Variants in AGTPBP1 observed in about 807,000 individuals in gnomAD.
The protein encoded by AGTPBP1 is ATP/GTP binding carboxypeptidase 1.
In AGTPBP1, 70 loss-of-function variants were observed where a neutral mutation model predicts 143.9. That is an observed-to-expected ratio of 0.49 (90% CI 0.40 to 0.59). AGTPBP1 has a LOEUF of 0.59. Ranked by LOEUF, AGTPBP1 falls within the 20% of genes least tolerant of loss-of-function variation. The pLI is 0.00. For synonymous variants in AGTPBP1, 463 were observed against 500.2 expected, an observed-to-expected ratio of 0.93 and a Z score of 0.99; for missense variants, 1,229 against 1,464.5, an observed-to-expected ratio of 0.84 and a Z score of 2.62.
Position 85,661,265 on chromosome 9 carries a change from G to C in AGTPBP1, c.663-292C>G, listed in dbSNP as rs530740706. Among the ~76,000 whole-genome samples, 12 of 152,158 alleles carry C rather than the reference G, an allele frequency of 7.9e-5. No individual in the cohort carries two copies. In the East Asian group the frequency reaches 2.3e-3, roughly 29 times the overall value. ...GTATTTGTCAGAAGTTAGATGAACGGAATCATTCATCAGCCTCTGTATCTG... is the reference window on the plus strand; with the variant it reads ...GTATTTGTCAGAAGTTAGATGAACGCAATCATTCATCAGCCTCTGTATCTG... On this transcript the variant is annotated intron_variant, in intron 8 of 25. Transcript: ENST00000357081.
chr9:85,665,009 A>G (rs1587854910), intron 8 of AGTPBP1, among the ~76,000 whole-genome samples: 1 of 152,298 alleles, frequency 6.6e-6, no homozygotes, highest in East Asian at 1.9e-4. Flanking sequence ...CTAACACAGA[A>G]CACACTGAAA....
chr9:85,791,959 G>C, the AGTPBP1 span, among the ~76,000 whole-genome samples: 1 of 152,104 alleles, frequency 6.6e-6, no homozygotes, highest in East Asian at 1.9e-4. Flanking sequence ...AAGGAAAGCA[G>C]TTAGGACTTA....
intron 25 of AGTPBP1, among the ~76,000 whole-genome samples, chr9:85,555,665 C>G (rs1826294271): frequency 6.6e-6 from 1 of 152,156 alleles, no homozygotes; most frequent in Non-Finnish European, 1.5e-5. Context: ...GCAGTGGCAT[C>G]TTTAAAGTGC....
chr9:85,714,967 C>T (rs1837610001), intron 1 of AGTPBP1, among the ~76,000 whole-genome samples: 2 of 152,050 alleles, frequency 1.3e-5, no homozygotes, highest in Non-Finnish European at 1.5e-5. Context: ...AAATAAAGGG[C>T]CGGGCACAGT....
chr9:85,777,119 G>A, the AGTPBP1 span, among the ~76,000 whole-genome samples: 5 of 152,134 alleles, frequency 3.3e-5, no homozygotes, highest in East Asian at 9.6e-4. Context: ...CCATGAGCAT[G>A]AGCCCACTGC....
intron 13 of AGTPBP1, among the ~76,000 whole-genome samples, chr9:85,634,954 TA>T (rs201070002): frequency 6.6e-6 from 1 of 151,932 alleles, no homozygotes; most frequent in African/African-American, 2.4e-5. Flanking sequence ...TATGGTTTTT[TA>T]AAAAAAAATT....
chr9:85,655,158 T>C lies in AGTPBP1; in HGVS notation c.1072A>G (p.Ser358Gly). 6.2e-7 allele frequency: 1 copy of C among 1,613,134 alleles called. No individual in the cohort carries two copies. The highest frequency in any genetic ancestry group is 8.5e-7 in the Non-Finnish European group (1 of 1,179,478). The stretch of plus-strand genomic sequence containing the variant: ...GTGATCCTACCTTCAGGAGGTAAGC[T>C]GTAGAGCTGAGCCACAGGACCAGTC... ...PVTGPVAQLYSLPPEVDDVVD... is the reference protein window; with the variant it reads ...PVTGPVAQLYGLPPEVDDVVD... Residue 358 changes from serine to glycine, a missense_variant, in exon 11 of 26, where the codon AGC (serine) becomes GGC (glycine). This residue lies in a region of AGTPBP1 where 743 missense variants were observed against 812.2 expected (regional missense o/e 0.91). Coordinates refer to ENST00000357081, the MANE Select transcript of AGTPBP1 (RefSeq NM_001330701.2).
the AGTPBP1 span, among the ~76,000 whole-genome samples, chr9:85,794,879 G>A: frequency 6.6e-6 from 1 of 151,970 alleles, no homozygotes; most frequent in Non-Finnish European, 1.5e-5. Flanking sequence ...TATTCTTTTT[G>A]ATGCTACTGT....
chr9:85,632,161 T>C (rs1226622481), intron 14 of AGTPBP1, among the ~76,000 whole-genome samples: 1 of 152,090 alleles, frequency 6.6e-6, no homozygotes, highest in African/African-American at 2.4e-5. Context: ...TAATAATCAC[T>C]TCAGGGTAAA....
Position 85,589,650 on chromosome 9 carries a change from T to C in AGTPBP1, c.2600A>G (p.Asn867Ser), listed in dbSNP as rs576086083. 1 of 1,609,024 alleles carries C rather than the reference T, an allele frequency of 6.2e-7. No homozygotes were observed. The highest frequency in any genetic ancestry group is 1.1e-5 in the South Asian group (1 of 89,744). Residue 867 changes from asparagine to serine, a missense_variant, in exon 20 of 26, where the codon AAT becomes AGT. Asn to Ser is a conservative substitution (Grantham distance 46, BLOSUM62 1). This residue lies in a region of AGTPBP1 where 486 missense variants were observed against 652.3 expected (regional missense o/e 0.75). Transcript: ENST00000357081. ...TTTCCGAAAATAGATTTGCTGAGGATTGTGTGCTGATTCCAATTTTTGAAG... is the reference window on the plus strand; with the variant it reads ...TTTCCGAAAATAGATTTGCTGAGGACTGTGTGCTGATTCCAATTTTTGAAG... ...MHLQKLESAH[N>S]PQQIYFRKDV...
chr9:85,685,533 T>C (rs1835438705), intron 3 of AGTPBP1, among the ~76,000 whole-genome samples: 1 of 151,868 alleles, frequency 6.6e-6, no homozygotes, highest in South Asian at 2.1e-4. Flanking sequence ...GAATTCTATA[T>C]CCAGTAAAAA....
At chr9:85,560,071 C>T (rs58961584) in intron 25 of AGTPBP1, among the ~76,000 whole-genome samples, 6,413 of 152,218 alleles carry the variant, frequency 0.042, 478 homozygotes, top group African/African-American at 0.15. Flanking sequence ...TGGAGACCCC[C>T]TCCAGCCCAC....
At chr9:85,666,885 CACT>C (rs1235180237) in intron 8 of AGTPBP1, among the ~76,000 whole-genome samples, 1 of 152,074 alleles carries the variant, frequency 6.6e-6, no homozygotes. Flanking sequence ...TTCATACACA[CACT>C]ACTACATTGC....
At chr9:85,762,654 G>T in the AGTPBP1 span, among the ~76,000 whole-genome samples, 3 of 151,400 alleles carry the variant, frequency 2.0e-5, no homozygotes, top group Non-Finnish European at 4.4e-5. Context: ...ATAGCATTAG[G>T]AGATATACCT....
chr9:85,762,696 A>T, the AGTPBP1 span, among the ~76,000 whole-genome samples: 1 of 151,482 alleles, frequency 6.6e-6, no homozygotes, highest in Admixed American at 6.6e-5. Context: ...GGTGCAGCAC[A>T]CCAACATGGC....
At chr9:85,690,077 C>G (rs896082390) in intron 3 of AGTPBP1, among the ~76,000 whole-genome samples, 4 of 151,682 alleles carry the variant, frequency 2.6e-5, no homozygotes, top group Admixed American at 6.6e-5. Context: ...TGAGAGTACC[C>G]TCTCCCCGTG....
intron 25 of AGTPBP1, among the ~76,000 whole-genome samples, chr9:85,574,731 TAG>T (rs987586431): frequency 3.6e-4 from 55 of 151,170 alleles, no homozygotes; most frequent in Non-Finnish European, 5.5e-4. Flanking sequence ...TTTTTGGAGA[TAG>T]AGTCTCCCTC....
chr9:85,613,794 T>C (rs1022825493), intron 17 of AGTPBP1, among the ~76,000 whole-genome samples: 3 of 152,110 alleles, frequency 2.0e-5, no homozygotes, highest in Admixed American at 2.0e-4. Context: ...TAGACAAAGA[T>C]AGTTCTCGAA....
chr9:85,797,631 G>T, the AGTPBP1 span, among the ~76,000 whole-genome samples: 1 of 152,050 alleles, frequency 6.6e-6, no homozygotes, highest in Non-Finnish European at 1.5e-5. Flanking sequence ...TAGGGCAGGG[G>T]TGTCCAATCT....
Sources: gnomAD v4.1 joint callset for allele counts (sites outside exome capture counted in the v4.1 genomes callset) on GRCh38, gnomAD v4.1.1 for gene constraint, gnomAD v4.1.1 regional missense constraint, MANE v1.5 for transcripts, NCBI Gene and HGNC (gene_info 2026-07-23, HGNC 2026-07-21) for gene names.